The following PRIMA1 variants were observed in gnomAD, a reference collection of about 807,000 sequenced individuals.
The protein encoded by PRIMA1 is proline rich membrane anchor 1.
In PRIMA1, 7 loss-of-function variants were observed where a neutral mutation model predicts 17.5. The ratio of observed to expected loss-of-function variants is 0.40; its 90% CI spans 0.23 to 0.75. The LOEUF is 0.75. Ranked by LOEUF, PRIMA1 falls within the 30% of genes least tolerant of loss-of-function variation. The pLI, the probability that PRIMA1 is intolerant of heterozygous loss-of-function variation, is 0.37. For synonymous variants in PRIMA1, 97 were observed against 77.9 expected, an observed-to-expected ratio of 1.25 and a Z score of -1.29; for missense variants, 200 against 201.8, an observed-to-expected ratio of 0.99 and a Z score of 0.05.
At chr14:93,765,579 G>C (rs1276847735) in intron 3 of PRIMA1, among the ~76,000 whole-genome samples, 1 of 151,918 alleles carries the variant, frequency 6.6e-6, no homozygotes, top group Non-Finnish European at 1.5e-5. Context: ...GTCTACACGA[G>C]GGCAAAGCTC....
chr14:93,759,525 G>A (rs1407134505), intron 3 of PRIMA1, among the ~76,000 whole-genome samples: 1 of 152,290 alleles, frequency 6.6e-6, no homozygotes, highest in East Asian at 1.9e-4. Flanking sequence ...GTGTGCGTGT[G>A]TGTGCATGTG....
At chr14:93,775,706 C>T (rs774269100) in intron 3 of PRIMA1, among the ~76,000 whole-genome samples, 1 of 152,242 alleles carries the variant, frequency 6.6e-6, no homozygotes, top group African/African-American at 2.4e-5. Context: ...ATGAATAAAT[C>T]ACATTCTCCA....
At chr14:93,731,708 T>A (rs1387561702) in intron 4 of PRIMA1, among the ~76,000 whole-genome samples, 1 of 152,202 alleles carries the variant, frequency 6.6e-6, no homozygotes, top group Non-Finnish European at 1.5e-5. Flanking sequence ...TGCTGGTGTG[T>A]GTGCTTAATC....
chr14:93,780,479 T>G (rs1490111186), intron 2 of PRIMA1, among the ~76,000 whole-genome samples: 2 of 152,230 alleles, frequency 1.3e-5, no homozygotes, highest in African/African-American at 4.8e-5. Context: ...CCACGCCTCT[T>G]GAACCTTGGC....
intron 3 of PRIMA1, among the ~76,000 whole-genome samples, chr14:93,748,679 G>A (rs545388218): frequency 1.3e-5 from 2 of 152,254 alleles, no homozygotes; most frequent in East Asian, 3.9e-4. Flanking sequence ...TGTGCTCTGC[G>A]GGCCACTTGC....
intron 3 of PRIMA1, among the ~76,000 whole-genome samples, chr14:93,769,522 T>C (rs186354740): frequency 1.3e-5 from 2 of 152,302 alleles, no homozygotes; most frequent in Non-Finnish European, 2.9e-5. Context: ...ACATTCAAAG[T>C]GACATGGCCC....
intron 3 of PRIMA1, among the ~76,000 whole-genome samples, chr14:93,772,033 T>C (rs1003689320): frequency 1.3e-5 from 2 of 152,212 alleles, no homozygotes; most frequent in African/African-American, 4.8e-5. Flanking sequence ...TAATACCACC[T>C]ATTACAAAGA....
At chr14:93,755,364 C>T (rs546872253) in intron 3 of PRIMA1, among the ~76,000 whole-genome samples, 42 of 152,208 alleles carry the variant, frequency 2.8e-4, no homozygotes, top group East Asian at 9.7e-4. Flanking sequence ...CTTTTTTTTA[C>T]GAGCTGAATG....
chr14:93,755,229 T>C (rs575857737), intron 3 of PRIMA1, among the ~76,000 whole-genome samples: 1 of 152,196 alleles, frequency 6.6e-6, no homozygotes, highest in Non-Finnish European at 1.5e-5. Flanking sequence ...TGTGTGTGTG[T>C]GTATATATGT....
chr14:93,730,597 G>A (rs2076107891), intron 4 of PRIMA1, among the ~76,000 whole-genome samples: 1 of 152,034 alleles, frequency 6.6e-6, no homozygotes, highest in African/African-American at 2.4e-5. Flanking sequence ...GACCATGAAG[G>A]TTCATTCTGG....
chr14:93,764,293 G>A (rs1386407810), intron 3 of PRIMA1, among the ~76,000 whole-genome samples: 17 of 47,860 alleles, frequency 3.6e-4, no homozygotes, highest in African/African-American at 1.3e-3. Context: ...CCCCACCCCC[G>A]CCTTCAGCTG....
intron 3 of PRIMA1, among the ~76,000 whole-genome samples, chr14:93,745,869 T>G (rs1262199723): frequency 6.6e-6 from 1 of 152,232 alleles, no homozygotes; most frequent in Non-Finnish European, 1.5e-5. Context: ...CTGTTAGATT[T>G]AATCTCAGTT....
chr14:93,737,487 C>T (rs1200333610), intron 3 of PRIMA1, 117 bp from the exon 4 acceptor site: 2 of 1,238,000 alleles, frequency 1.6e-6, no homozygotes, highest in East Asian at 5.1e-5. Flanking sequence ...CTGGTGGGAC[C>T]ATCATGGGTG....
chr14:93,782,019 G>A (rs1885390734), intron 2 of PRIMA1, among the ~76,000 whole-genome samples: 1 of 151,280 alleles, frequency 6.6e-6, no homozygotes, highest in Non-Finnish European at 1.5e-5. Context: ...TGTAATCCCA[G>A]CACTTTGGGA....
At chr14:93,787,337 T>C (rs1885552798) in intron 2 of PRIMA1, among the ~76,000 whole-genome samples, 1 of 152,256 alleles carries the variant, frequency 6.6e-6, no homozygotes, top group African/African-American at 2.4e-5. Flanking sequence ...GTTTCTTTGC[T>C]GAATTTCTGC....
chr14:93,728,363 C>G (rs1359273498), intron 4 of PRIMA1, among the ~76,000 whole-genome samples: 1 of 152,174 alleles, frequency 6.6e-6, no homozygotes, highest in Admixed American at 6.5e-5. Flanking sequence ...GGTAGGCTGA[C>G]AGGTCAGCGA....
intron 3 of PRIMA1, among the ~76,000 whole-genome samples, chr14:93,759,035 G>A (rs1264470016): frequency 6.6e-6 from 1 of 152,196 alleles, no homozygotes; most frequent in Non-Finnish European, 1.5e-5. Flanking sequence ...CTATCATACA[G>A]CAGTGAAACA....
intron 3 of PRIMA1, among the ~76,000 whole-genome samples, chr14:93,760,556 G>A (rs575151985): frequency 1.1e-4 from 16 of 152,000 alleles, no homozygotes; most frequent in Non-Finnish European, 1.8e-4. Context: ...GATGGCTCAC[G>A]GCCCATCTAC....
chr14:93,729,119 G>A (rs1006384199), intron 4 of PRIMA1, among the ~76,000 whole-genome samples: 1 of 152,210 alleles, frequency 6.6e-6, no homozygotes, highest in Non-Finnish European at 1.5e-5. Context: ...AAGGCGCACT[G>A]GCCAAGGAGT....
Sources: allele counts gnomAD v4.1 joint callset (sites outside exome capture counted in the v4.1 genomes callset), GRCh38; gene constraint gnomAD v4.1.1; transcripts MANE v1.5; gene names NCBI Gene and HGNC (gene_info 2026-07-23, HGNC 2026-07-21).